The following SCN8A variants were observed in gnomAD, a reference collection of about 807,000 sequenced individuals.
SCN8A encodes the protein sodium voltage-gated channel alpha subunit 8, also known as sodium channel protein type 8 subunit alpha.
SCN8A carries 30 observed loss-of-function variants against 184.1 expected under a neutral mutation model. The ratio of observed to expected loss-of-function variants is 0.16; its 90% confidence interval spans 0.12 to 0.22. The LOEUF (loss-of-function observed/expected upper bound fraction) is 0.22, where lower values mean the gene tolerates loss of function less well. Ranked by LOEUF, SCN8A falls within the 10% of genes least tolerant of loss-of-function variation. The pLI is 1.00. For missense variants in SCN8A, 1,057 were observed against 2,498.9 expected, an observed-to-expected ratio of 0.42 and a Z score of 12.30; for synonymous variants, 852 against 907.0, an observed-to-expected ratio of 0.94 and a Z score of 1.09.
intron 20 of SCN8A, among the ~76,000 whole-genome samples, chr12:51,778,323 T>C (rs1049809798): frequency 6.6e-6 from 1 of 152,156 alleles, no homozygotes; most frequent in Non-Finnish European, 1.5e-5. Flanking sequence ...TCTCTCTTTT[T>C]GTCCACGTTG....
chr12:51,606,614 T>C (rs1939598723), intron 1 of SCN8A, among the ~76,000 whole-genome samples: 1 of 152,176 alleles, frequency 6.6e-6, no homozygotes, highest in East Asian at 1.9e-4. Context: ...GTTTTTCTAA[T>C]TCCGAGAAGA....
chr12:51,799,351 C>T (rs560676245), intron 26 of SCN8A, among the ~76,000 whole-genome samples: 1 of 152,274 alleles, frequency 6.6e-6, no homozygotes, highest in African/African-American at 2.4e-5. Context: ...CAGAGAGCAC[C>T]TAGTTCATGA....
intron 6 of SCN8A, among the ~76,000 whole-genome samples, chr12:51,691,588 A>G (rs1941509657): frequency 6.6e-6 from 1 of 152,222 alleles, no homozygotes; most frequent in Non-Finnish European, 1.5e-5. Flanking sequence ...TTTAGACATC[A>G]GCTTCACAGT....
intron 3 of SCN8A, among the ~76,000 whole-genome samples, 194 bp downstream of exon 3, chr12:51,684,486 T>G (rs1426576090): frequency 6.6e-6 from 1 of 152,218 alleles, no homozygotes; most frequent in East Asian, 1.9e-4. Context: ...ATTTTTTTTC[T>G]TAGGATGATA....
At chr12:51,778,367 C>T (rs1592157416) in intron 20 of SCN8A, among the ~76,000 whole-genome samples, 1 of 152,216 alleles carries the variant, frequency 6.6e-6, no homozygotes, top group East Asian at 1.9e-4. Context: ...TCACTGCAAC[C>T]TCTGCCTCCT....
intron 11 of SCN8A, among the ~76,000 whole-genome samples, chr12:51,714,127 C>G (rs562098719): frequency 1.3e-5 from 2 of 152,120 alleles, no homozygotes; most frequent in South Asian, 4.1e-4. Context: ...AAGTTTCATA[C>G]AGATATGTAG....
At chr12:51,593,198 T>TG (rs1939269687) in intron 1 of SCN8A, among the ~76,000 whole-genome samples, 1 of 152,180 alleles carries the variant, frequency 6.6e-6, no homozygotes, top group Non-Finnish European at 1.5e-5. Context: ...TTGTGGGTAG[T>TG]GATCCTTTGG....
intron 16 of SCN8A, among the ~76,000 whole-genome samples, chr12:51,767,609 A>G (rs1942858013): frequency 6.6e-6 from 1 of 152,224 alleles, no homozygotes; most frequent in Admixed American, 6.5e-5. Flanking sequence ...TCATAATTAC[A>G]CAAGTTTCAC....
chr12:51,705,838 AT>A (rs1305248733), intron 10 of SCN8A, among the ~76,000 whole-genome samples: 1 of 152,180 alleles, frequency 6.6e-6, no homozygotes, highest in East Asian at 1.9e-4. Flanking sequence ...CTTTTGTTGA[AT>A]TGCTCAACTG....
chr12:51,624,541 A>AT (rs1940034303), intron 1 of SCN8A, among the ~76,000 whole-genome samples: 1 of 151,154 alleles, frequency 6.6e-6, no homozygotes, highest in Non-Finnish European at 1.5e-5. Context: ...GATTGCAAAA[A>AT]TTTTCTCCCA....
chr12:51,684,839 AC>A lies in SCN8A; in HGVS notation c.395+549del, dbSNP rs574519219. Among the ~76,000 whole-genome samples, 824 of 152,300 alleles carry A rather than the reference AC, an allele frequency of 5.4e-3. 8 individuals carry two copies. The highest frequency in any genetic ancestry group is 0.019 in the African/African-American group (771 of 41,552). On this transcript the variant is annotated intron_variant, in intron 3 of 26. Transcript: ENST00000627620. ...GGAATTTTTTCTGGTATTTTTACTC[AC>A]CTTAAATAGAAAAATGCCAATTTAT...
rs567759007 is a variant in SCN8A at position 51,782,791 on chromosome 12, C to T, written c.3942+2020C>T. 7.9e-5 allele frequency among the ~76,000 whole-genome samples: 12 copies of T among 152,354 alleles called. No individual in the cohort carries two copies. In the South Asian group the frequency reaches 8.3e-4, roughly 11 times the overall value. On this transcript the variant is annotated intron_variant, in intron 21 of 26. Transcript: ENST00000627620. ...AGGAGCCGTTTTGGGAGCCACACCT[C>T]TTCCCTTTAGCTGCCCCTTCTTTCT... is the stretch of plus-strand genomic sequence containing the variant.
intron 20 of SCN8A, among the ~76,000 whole-genome samples, chr12:51,776,107 A>G (rs539965052): frequency 1.8e-4 from 27 of 152,256 alleles, no homozygotes; most frequent in Admixed American, 6.5e-4. Context: ...CTTGCACCTC[A>G]GCCTCCCGAG....
chr12:51,766,304 T>C lies in SCN8A; in HGVS notation c.2901+277T>C, dbSNP rs74091656. 9.0e-3 allele frequency: 4,437 copies of C among 494,480 alleles called. 141 individuals are homozygous for C. Among genetic ancestry groups the C allele is most frequent in the African/African-American group, 0.072 (3,720 of 51,700 alleles). The allele number at this position is 494,480 out of a possible 1,614,324, so 30.6% of individuals were successfully genotyped here. ...ATTAAGTGACTTTCCCAAATAAATA[T>C]AGGGCTTGTATTTGAACCTAGACTT... On this transcript the variant is annotated intron_variant, in intron 16 of 26. Coordinates refer to ENST00000627620, the MANE Select transcript of SCN8A (RefSeq NM_001330260.2).
chr12:51,607,277 G>A lies in SCN8A; in HGVS notation c.-55+15918G>A, dbSNP rs150114723. 6.5e-3 allele frequency among the ~76,000 whole-genome samples: 992 copies of A among 152,222 alleles called. 14 individuals carry two copies. Among genetic ancestry groups the A allele is most frequent in the African/African-American group, 0.022 (919 of 41,520 alleles). On this transcript the variant is annotated intron_variant, in intron 1 of 26. Transcript: ENST00000627620. ...TTACTGATTTGCATACATTAATCTT[G>A]TATCTGGAAACTTTGTTGAATTCTT...
chr12:51,802,409 C>T (rs1048379501), intron 26 of SCN8A, among the ~76,000 whole-genome samples: 11 of 152,178 alleles, frequency 7.2e-5, no homozygotes, highest in African/African-American at 2.7e-4. Context: ...TCCTCCCACA[C>T]ATCCCTATTC....
At chr12:51,603,980 T>C (rs956922294) in intron 1 of SCN8A, among the ~76,000 whole-genome samples, 2 of 152,346 alleles carry the variant, frequency 1.3e-5, no homozygotes, top group South Asian at 4.1e-4. Flanking sequence ...GATATCTTTA[T>C]CAGATAACTT....
chr12:51,739,762 G>A (rs1942388379), intron 12 of SCN8A, among the ~76,000 whole-genome samples: 1 of 152,154 alleles, frequency 6.6e-6, no homozygotes. Flanking sequence ...CCACTTGCGC[G>A]AGACCAGCTC....
chr12:51,674,864 G>A (rs1941195735), intron 2 of SCN8A, among the ~76,000 whole-genome samples: 1 of 152,092 alleles, frequency 6.6e-6, no homozygotes, highest in South Asian at 2.1e-4. Flanking sequence ...AGAAAACTGA[G>A]CCTTAGCAAC....
Sources: allele counts gnomAD v4.1 joint callset (sites outside exome capture counted in the v4.1 genomes callset), GRCh38; gene constraint gnomAD v4.1.1; transcripts MANE v1.5; gene names NCBI Gene and HGNC (gene_info 2026-07-23, HGNC 2026-07-21).